Variants in MED27 observed in about 807,000 individuals in gnomAD.
The protein encoded by MED27 is mediator complex subunit 27.
In MED27, 30 loss-of-function variants were observed where a neutral mutation model predicts 38.2. The ratio of observed to expected loss-of-function variants is 0.79; its 90% CI spans 0.59 to 1.07. MED27 has a LOEUF of 1.07. Among genes scored for constraint, MED27 ranks in the 50% least tolerant of loss-of-function variants. The pLI, the probability that MED27 is intolerant of heterozygous loss-of-function variation, is 0.00. For synonymous variants in MED27, 122 were observed against 153.5 expected (o/e 0.79, Z 1.52); for missense variants, 289 against 397.5 (o/e 0.73, Z 2.32).
intron 2 of MED27, among the ~76,000 whole-genome samples, chr9:132,023,510 A>G (rs968276393): frequency 6.6e-6 from 1 of 152,176 alleles, no homozygotes; most frequent in Non-Finnish European, 1.5e-5. Context: ...TCTTTATTCC[A>G]GTGTCATGAA....
intron 4 of MED27, among the ~76,000 whole-genome samples, chr9:131,926,525 C>T (rs1420164427): frequency 6.6e-6 from 1 of 152,232 alleles, no homozygotes; most frequent in Non-Finnish European, 1.5e-5. Context: ...TCCTGGGTTC[C>T]CCAGAGCTGC....
intron 3 of MED27, among the ~76,000 whole-genome samples, chr9:131,999,247 A>C (rs564862960): frequency 1.3e-5 from 2 of 152,282 alleles, no homozygotes; most frequent in East Asian, 3.9e-4. Flanking sequence ...GAAGGTGAGG[A>C]GAAGTTTCAG....
rs1832291088 is a variant in MED27 at position 132,003,624 on chromosome 9, G to A, written c.479+10713C>T. On this transcript the variant is annotated intron_variant, in intron 3 of 7. Coordinates refer to ENST00000292035, the MANE Select transcript of MED27 (RefSeq NM_004269.4). This position sits in a 1 kb window ranked among gnomAD's most constrained non-coding sequence, Gnocchi z 4.2. ...TTCTGGTCTCCCTCCACAATTGCTGGCACAACATATCCACTCTGAGACTTC... is the reference window on the plus strand; with the variant it reads ...TTCTGGTCTCCCTCCACAATTGCTGACACAACATATCCACTCTGAGACTTC... Among the ~76,000 whole-genome samples the A allele has an allele frequency of 6.6e-6, 1 of 152,100 alleles. No individual in the cohort carries two copies. The highest frequency in any genetic ancestry group is 2.4e-5 in the African/African-American group (1 of 41,382).
At chr9:131,989,454 CT>C (rs1277653746) in intron 3 of MED27, among the ~76,000 whole-genome samples, 3 of 151,536 alleles carry the variant, frequency 2.0e-5, no homozygotes, top group Non-Finnish European at 3.0e-5. Context: ...TGATTACCCC[CT>C]TTGTAGGTAA....
In MED27 at chr9:131,976,737, T is replaced by C. The variant is rs527951041; in HGVS notation, c.480-37263A>G. 3.9e-5 allele frequency among the ~76,000 whole-genome samples: 6 copies of C among 152,320 alleles called. No homozygotes were observed. The South Asian group carries it at 1.2e-3, about 32-fold the overall frequency. ...TTTAAGAAAATCTGTAAATATAAAC[T>C]GTTTACAATGATTACGAAAATAGCT... On this transcript the variant is annotated intron_variant, in intron 3 of 7. Transcript: ENST00000292035.
Position 131,997,617 on chromosome 9 carries a change from A to G in MED27, c.479+16720T>C, listed in dbSNP as rs1002999607. Among the ~76,000 whole-genome samples the G allele has an allele frequency of 1.3e-5, 2 of 152,214 alleles. No homozygotes were observed. The highest frequency in any genetic ancestry group is 6.5e-5 in the Admixed American group (1 of 15,282). ...GGGTGATCCCTAATAAATATATTGC[A>G]GCCCAATTCCAACTCAACCTCTGCT... On this transcript the variant is annotated intron_variant, in intron 3 of 7. Coordinates refer to ENST00000292035, the MANE Select transcript of MED27 (RefSeq NM_004269.4). This position sits in a 1 kb window ranked among gnomAD's most constrained non-coding sequence, Gnocchi z 4.0.
At position 132,051,023 on chromosome 9, in the gene MED27, C is replaced by T. The variant is rs1301440374; in HGVS notation, c.348+26419G>A. On this transcript the variant is annotated intron_variant, in intron 2 of 7. Coordinates refer to ENST00000292035, the MANE Select transcript of MED27 (RefSeq NM_004269.4). The surrounding 1 kb of genome is among the most constrained non-coding windows in gnomAD (Gnocchi z 4.2). ...TGTCCAGGAAACCCTAGGCTCAACA[C>T]ATGCATCTATACAACTGCACATTCA... is the stretch of plus-strand genomic sequence containing the variant. Among the ~76,000 whole-genome samples the T allele has an allele frequency of 6.6e-6, 1 of 152,228 alleles. No homozygotes were observed. Among genetic ancestry groups the T allele is most frequent in the Non-Finnish European group, 1.5e-5 (1 of 68,042 alleles).
chr9:131,954,600 T>C (rs1031194720), intron 3 of MED27, among the ~76,000 whole-genome samples: 2 of 152,116 alleles, frequency 1.3e-5, no homozygotes, highest in African/African-American at 2.4e-5. Context: ...TGGCAGAAAC[T>C]CTTTTATATT....
At chr9:131,987,690 A>T (rs1197905614) in intron 3 of MED27, among the ~76,000 whole-genome samples, 1 of 152,190 alleles carries the variant, frequency 6.6e-6, no homozygotes, top group African/African-American at 2.4e-5. Flanking sequence ...ACATTATCTT[A>T]GCTGTCAGGA....
intron 4 of MED27, among the ~76,000 whole-genome samples, chr9:131,898,021 C>T (rs1829862836): frequency 6.6e-6 from 1 of 152,032 alleles, no homozygotes; most frequent in African/African-American, 2.4e-5. Context: ...TTGCTGGTGG[C>T]ATCCCAGTGG....
At chr9:131,867,060 A>G (rs11999716) in intron 6 of MED27, among the ~76,000 whole-genome samples, 20 of 152,102 alleles carry the variant, frequency 1.3e-4, no homozygotes, top group African/African-American at 3.9e-4. Context: ...CTCAATCCTC[A>G]TATCTGAACT....
intron 2 of MED27, among the ~76,000 whole-genome samples, chr9:132,036,084 T>C (rs918177947): frequency 2.6e-5 from 4 of 152,208 alleles, no homozygotes; most frequent in African/African-American, 9.6e-5. Flanking sequence ...TTTAGAAACA[T>C]GAAAAAGCAA....
At chr9:131,939,900 CTTTT>C (rs545565196) in intron 3 of MED27, among the ~76,000 whole-genome samples, 4 of 136,166 alleles carry the variant, frequency 2.9e-5, no homozygotes, top group Non-Finnish European at 6.4e-5. Context: ...AAATTCCTTC[CTTTT>C]TTTTTTTTTT....
intron 3 of MED27, among the ~76,000 whole-genome samples, chr9:131,951,631 T>G (rs1404416946): frequency 6.6e-6 from 1 of 152,224 alleles, no homozygotes; most frequent in African/African-American, 2.4e-5. Flanking sequence ...AGCATCACTA[T>G]CCTCTTCACA....
At chr9:131,938,166 G>A (rs1830716843) in intron 4 of MED27, among the ~76,000 whole-genome samples, 1 of 152,032 alleles carries the variant, frequency 6.6e-6, no homozygotes, top group Non-Finnish European at 1.5e-5. Context: ...AATGCTCCCC[G>A]AAGATGAACG....
rs1010234751 is a variant in MED27, at chr9:131,883,048, T to C, written c.723+1010A>G. ...TCAGCCTCCTGAGTAGCTAGGATTA[T>C]AGGCGCCCGCCACCATGCCCGGCTA... On this transcript the variant is annotated intron_variant, in intron 6 of 7. Transcript: ENST00000292035. The surrounding 1 kb of genome is among the most constrained non-coding windows in gnomAD (Gnocchi z 4.2). Among the ~76,000 whole-genome samples the C allele has an allele frequency of 3.9e-5, 6 of 152,164 alleles. No individual in the cohort carries two copies. Among genetic ancestry groups the C allele is most frequent in the African/African-American group, 1.4e-4 (6 of 41,520 alleles).
chr9:131,921,117 A>G (rs1460848962), intron 4 of MED27, among the ~76,000 whole-genome samples: 1 of 152,184 alleles, frequency 6.6e-6, no homozygotes. Flanking sequence ...ATGCTTACAA[A>G]TGTTAATTTC....
At chr9:132,007,273 C>G (rs764905376) in intron 3 of MED27, among the ~76,000 whole-genome samples, 3 of 152,208 alleles carry the variant, frequency 2.0e-5, no homozygotes, top group Non-Finnish European at 4.4e-5. Flanking sequence ...AGGACTCTCT[C>G]TCTCTTGAAA....
intron 3 of MED27, among the ~76,000 whole-genome samples, chr9:131,965,145 G>A (rs1427370420): frequency 6.6e-6 from 1 of 152,164 alleles, no homozygotes; most frequent in African/African-American, 2.4e-5. Context: ...ATTCCCAAAT[G>A]GTTAGGTTTA....
Sources: allele counts gnomAD v4.1 joint callset (sites outside exome capture counted in the v4.1 genomes callset), GRCh38; gene constraint gnomAD v4.1.1; non-coding constraint Gnocchi (gnomAD v3.1); transcripts MANE v1.5; gene names NCBI Gene and HGNC (gene_info 2026-07-23, HGNC 2026-07-21).